The following TGFB3 variants were observed in gnomAD, a reference collection of about 807,000 sequenced individuals.
The protein encoded by TGFB3 is transforming growth factor beta 3.
TGFB3 carries 5 observed loss-of-function variants against 40.1 expected under a neutral mutation model. The observed-to-expected ratio is 0.12, with a 90% confidence interval of 0.07 to 0.26. TGFB3 has a LOEUF of 0.26. TGFB3 is among the 10% of genes least tolerant of loss of function. The pLI is 1.00. For synonymous variants in TGFB3, 184 were observed against 205.6 expected, an observed-to-expected ratio of 0.89 and a Z score of 0.90; for missense variants, 373 against 530.1, an observed-to-expected ratio of 0.70 and a Z score of 2.91.
intron 6 of TGFB3, among the ~76,000 whole-genome samples, chr14:75,959,734 G>A (rs932431950): frequency 3.3e-5 from 5 of 150,986 alleles, no homozygotes; most frequent in South Asian, 2.1e-4. Flanking sequence ...TAGTGCCACC[G>A]CACTCCAGCC....
At chr14:75,959,847 T>G (rs1252622392) in intron 6 of TGFB3, among the ~76,000 whole-genome samples, 2 of 148,544 alleles carry the variant, frequency 1.3e-5, no homozygotes, top group East Asian at 4.0e-4. Context: ...TCATCCACAA[T>G]GACAGAAGCA....
rs958240577 is a variant in TGFB3 at position 75,971,249 on chromosome 14, G to A, written c.523C>T (p.Arg175Trp). The A allele has an allele frequency of 3.7e-6, 6 of 1,614,002 alleles. No individual in the cohort carries two copies. Among genetic ancestry groups the A allele is most frequent in the East Asian group, 2.2e-5 (1 of 44,892 alleles). The change falls in exon 3 of 7, where the codon CGG (arginine) becomes TGG (tryptophan). Residue 175 changes from arginine (R) to tryptophan (W), a missense_variant. Coordinates refer to ENST00000238682, the MANE Select transcript of TGFB3 (RefSeq NM_003239.5). This position sits in a 1 kb window ranked among gnomAD's most constrained non-coding sequence, Gnocchi z 4.5. ...EQRIELFQIL[R>W]PDEHIAKQRY... ...TGTTTGGCAATGTGCTCATCTGGCC[G>A]AAGGATCTACAGGGCAGAGAAAGGA... is the stretch of plus-strand genomic sequence containing the variant.
At chr14:75,966,698 C>T (rs1035486859) in intron 3 of TGFB3, 2 of 152,200 alleles carry the variant, frequency 1.3e-5, no homozygotes, top group African/African-American at 2.4e-5. Flanking sequence ...CCAGCCCATT[C>T]GCCTAGTAGT....
At chr14:75,960,768 G>A in intron 6 of TGFB3, 155 bp downstream of exon 6, 1 of 946,440 alleles carries the variant, frequency 1.1e-6, no homozygotes, top group South Asian at 1.5e-5. Context: ...GTAGAACTGA[G>A]TCAGGGTGCC....
At chr14:75,963,117 A>G in intron 5 of TGFB3, 199 bp downstream of exon 5, 4 of 678,514 alleles carry the variant, frequency 5.9e-6, no homozygotes, top group Non-Finnish European at 7.8e-6. Context: ...GCCTATGGAA[A>G]AACAGTGGGA....
Position 75,980,924 on chromosome 14 carries a change from G to T in TGFB3, c.-31C>A, listed in dbSNP as rs375120782. On this transcript the variant is annotated 5_prime_UTR_variant, in exon 1 of 7. Coordinates refer to ENST00000238682, the MANE Select transcript of TGFB3 (RefSeq NM_003239.5). This position sits in a 1 kb window ranked among gnomAD's most constrained non-coding sequence, Gnocchi z 4.3. ...AGCTGGGAAGAGAGGCCAGGGGGAC[G>T]GCAAGGCCTGGAGAGGAAGAGACCC... The T allele has an allele frequency of 7.5e-6, 12 of 1,599,204 alleles. No homozygotes were observed. Among genetic ancestry groups the T allele is most frequent in the Non-Finnish European group, 9.4e-6 (11 of 1,167,786 alleles).
rs1247805164 is a variant in TGFB3 at position 75,979,699 on chromosome 14, C to CA, written c.352+842_352+843insT. Among the ~76,000 whole-genome samples the CA allele has an allele frequency of 6.7e-6, 1 of 149,882 alleles. No individual in the cohort carries two copies. On this transcript the variant is annotated intron_variant, in intron 1 of 6. Coordinates refer to ENST00000238682, the MANE Select transcript of TGFB3 (RefSeq NM_003239.5). This position sits in a 1 kb window ranked among gnomAD's most constrained non-coding sequence, Gnocchi z 4.8. ...GGACGGCAGGCTCCCAGACATATCC[C>CA]CCCCCCCCACCATGCACCCACTGCC... is the stretch of plus-strand genomic sequence containing the variant.
rs1475238665 is a variant in TGFB3, at chr14:75,980,526, G to A, written c.352+16C>T. On this transcript the variant is annotated intron_variant, in intron 1 of 6. Coordinates refer to ENST00000238682, the MANE Select transcript of TGFB3 (RefSeq NM_003239.5). This position sits in a 1 kb window ranked among gnomAD's most constrained non-coding sequence, Gnocchi z 4.3. ...GACCCTCCAGAGCAGACACCCCAGC[G>A]AGAATTTGGACTTACTGTGCTCCGC... is the stretch of plus-strand genomic sequence containing the variant. 2.5e-6 allele frequency: 4 copies of A among 1,613,448 alleles called. No homozygotes were observed. The highest frequency in any genetic ancestry group is 2.2e-5 in the South Asian group (2 of 91,066).
chr14:75,976,182 G>A (rs2035351521), intron 1 of TGFB3, among the ~76,000 whole-genome samples: 1 of 152,158 alleles, frequency 6.6e-6, no homozygotes, highest in African/African-American at 2.4e-5. Flanking sequence ...CTAGTGAAGG[G>A]ACTATATTTA....
chr14:75,970,333 G>A (rs935569814), intron 3 of TGFB3, among the ~76,000 whole-genome samples: 7 of 151,974 alleles, frequency 4.6e-5, no homozygotes, highest in African/African-American at 7.3e-5. Context: ...CAAAGTGGGC[G>A]GATCACTTGA....
At chr14:75,973,942 C>A (rs561562546) in intron 1 of TGFB3, among the ~76,000 whole-genome samples, 1 of 152,158 alleles carries the variant, frequency 6.6e-6, no homozygotes, top group South Asian at 2.1e-4. Context: ...GAGTTTGAGA[C>A]CAGCCTGACC....
intron 6 of TGFB3, among the ~76,000 whole-genome samples, chr14:75,959,931 CTTTTTTTTTTT>C (rs71122509): frequency 2.5e-4 from 8 of 32,004 alleles, no homozygotes; most frequent in Admixed American, 5.2e-4. Flanking sequence ...ATTATCTTGG[CTTTTTTTTTTT>C]TTTTTTTTTT....
Position 75,980,722 on chromosome 14 carries a change from CAG to C in TGFB3, c.170_171del (p.Pro57ArgfsTer50). Reference sequence around the variant, plus strand: ...GGGACGTGGGTCATCACCGTTGGCTCAGGGGGGCTGGTGAGCCTGAGCTTGCT... The same window carrying C: ...GGGACGTGGGTCATCACCGTTGGCTCGGGGGCTGGTGAGCCTGAGCTTGCT... ...ILSKLRLTSP[P>X]EPTVMTHVPY... is the part of the protein sequence containing the mutation. On this transcript the variant is annotated frameshift_variant, in exon 1 of 7. Transcript: ENST00000238682. LOFTEE classifies it high-confidence loss of function. This position sits in a 1 kb window ranked among gnomAD's most constrained non-coding sequence, Gnocchi z 4.3. The C allele has an allele frequency of 6.2e-7, 1 of 1,614,198 alleles. No individual in the cohort carries two copies. The highest frequency in any genetic ancestry group is 8.5e-7 in the Non-Finnish European group (1 of 1,180,034).
chr14:75,962,104 C>T (rs955365815), intron 5 of TGFB3, among the ~76,000 whole-genome samples: 2 of 152,188 alleles, frequency 1.3e-5, no homozygotes, highest in Admixed American at 1.3e-4. Context: ...GATGAAAAGC[C>T]AACATACTAA....
At position 75,971,550 on chromosome 14, in the gene TGFB3, G is replaced by A. The variant is rs2035292365; in HGVS notation, c.516+5C>T. On this transcript the variant is annotated splice_donor_5th_base_variant and intron_variant, in intron 2 of 6. Transcript: ENST00000238682. This position sits in a 1 kb window ranked among gnomAD's most constrained non-coding sequence, Gnocchi z 4.5. ...GTGTGGTTTCTGCTCTGAGAGAGGA[G>A]TTACCTGGAAGAGCTCGATCCTCTG... 6.2e-7 allele frequency: 1 copy of A among 1,614,002 alleles called. No homozygotes were observed. Among genetic ancestry groups the A allele is most frequent in the Admixed American group, 1.7e-5 (1 of 60,006 alleles).
chr14:75,968,510 G>A (rs938101711), intron 3 of TGFB3, among the ~76,000 whole-genome samples: 5 of 152,182 alleles, frequency 3.3e-5, no homozygotes, highest in Middle Eastern at 6.3e-3. Context: ...TTCTGCAGCT[G>A]TGAAAATAAG....
chr14:75,973,184 C>T (rs2035314309), intron 1 of TGFB3, among the ~76,000 whole-genome samples: 1 of 152,188 alleles, frequency 6.6e-6, no homozygotes, highest in Non-Finnish European at 1.5e-5. Context: ...GACCCAGATT[C>T]CACACATAAT....
At chr14:75,960,441 G>A in intron 6 of TGFB3, 1 of 177,454 alleles carries the variant, frequency 5.6e-6, no homozygotes, top group Non-Finnish European at 1.2e-5. Context: ...CCCCTCAAGG[G>A]AAAGACAGAC....
chr14:75,958,876 C>A lies in TGFB3; in HGVS notation c.*311G>T. 1 of 391,222 alleles carries A rather than the reference C, an allele frequency of 2.6e-6. No individual in the cohort carries two copies. Among genetic ancestry groups the A allele is most frequent in the Non-Finnish European group, 4.9e-6 (1 of 204,256 alleles). The allele number at this position is 391,222 out of a possible 1,614,324, so 24.2% of individuals were successfully genotyped here. On this transcript the variant is annotated 3_prime_UTR_variant, in exon 7 of 7. Transcript: ENST00000238682. ...CTTTAGGGTAGCCCAAATCCCATTGCCACACAACATCTCAACTTACCATCC... is the reference window on the plus strand; with the variant it reads ...CTTTAGGGTAGCCCAAATCCCATTGACACACAACATCTCAACTTACCATCC...
Sources: allele counts gnomAD v4.1 joint callset (sites outside exome capture counted in the v4.1 genomes callset), GRCh38; gene constraint gnomAD v4.1.1; non-coding constraint Gnocchi (gnomAD v3.1); transcripts MANE v1.5; gene names NCBI Gene and HGNC (gene_info 2026-07-23, HGNC 2026-07-21).